JPH1: variants seen among roughly 807,000 people sequenced by gnomAD.
The protein encoded by JPH1 is junctophilin-1.
A neutral mutation model predicts 53.6 loss-of-function variants in JPH1; 12 were observed. The observed-to-expected ratio is 0.22, with a 90% confidence interval of 0.14 to 0.36. The LOEUF is 0.36. Among genes scored for constraint, JPH1 ranks in the 10% least tolerant of loss-of-function variants. The probability of loss-of-function intolerance (pLI) is 1.00; values close to 1 mark genes in which losing one functional copy is unlikely to be tolerated. For synonymous variants in JPH1, 375 were observed against 363.8 expected (o/e 1.03, Z -0.35); for missense variants, 808 against 905.5 (o/e 0.89, Z 1.38).
intron 3 of JPH1, among the ~76,000 whole-genome samples, chr8:74,257,701 C>T (rs976283395): frequency 6.6e-6 from 1 of 151,926 alleles, no homozygotes; most frequent in Non-Finnish European, 1.5e-5. Context: ...TACCAGAGGT[C>T]GCTGCAAAAA....
At chr8:74,237,174 T>C (rs1008469967) in intron 5 of JPH1, 34 bp downstream of exon 5, 2 of 1,333,766 alleles carry the variant, frequency 1.5e-6, no homozygotes, top group Non-Finnish European at 2.1e-6. Flanking sequence ...TGTTATTTAC[T>C]ATGATTTTAG....
At chr8:74,245,558 T>G (rs1805837484) in intron 3 of JPH1, among the ~76,000 whole-genome samples, 1 of 152,192 alleles carries the variant, frequency 6.6e-6, no homozygotes, top group Non-Finnish European at 1.5e-5. Flanking sequence ...ATCTGAAAAT[T>G]TAATAAAGTA....
At chr8:74,290,062 G>A (rs1234526965) in intron 2 of JPH1, among the ~76,000 whole-genome samples, 1 of 152,148 alleles carries the variant, frequency 6.6e-6, no homozygotes, top group Non-Finnish European at 1.5e-5. Flanking sequence ...GGCAAAAACT[G>A]GAAGCATTCC....
At chr8:74,308,028 C>T (rs1348281528) in intron 2 of JPH1, among the ~76,000 whole-genome samples, 1 of 152,110 alleles carries the variant, frequency 6.6e-6, no homozygotes, top group South Asian at 2.1e-4. Flanking sequence ...CTGTTCTATC[C>T]CAGCCAACTT....
In JPH1 at chr8:74,321,312, C is replaced by T; in HGVS notation, c.-25G>A. On this transcript the variant is annotated 5_prime_UTR_variant, in exon 1 of 6. Coordinates refer to ENST00000342232, the MANE Select transcript of JPH1 (RefSeq NM_020647.4). This position sits in a 1 kb window ranked among gnomAD's most constrained non-coding sequence, Gnocchi z 4.3. ...TTCGGGGGGCAGCCCCGGCGCGCTC[C>T]CCGCAGGGGCACGGACGCGGGCAGT... 1 of 1,513,766 alleles carries T rather than the reference C, an allele frequency of 6.6e-7. No individual in the cohort carries two copies. Among genetic ancestry groups the T allele is most frequent in the Non-Finnish European group, 8.8e-7 (1 of 1,130,854 alleles). 93.8% of individuals were successfully genotyped at this position (1,513,766 alleles called of 1,614,324 possible). A position where few individuals can be genotyped will look rare whatever the true frequency, so the allele number is the denominator to read the frequency against.
At chr8:74,272,883 C>T (rs901661220) in intron 2 of JPH1, among the ~76,000 whole-genome samples, 2 of 152,046 alleles carry the variant, frequency 1.3e-5, no homozygotes. Context: ...GGATTACAGG[C>T]GTGAGCCACC....
chr8:74,280,932 A>C (rs1806997354), intron 2 of JPH1, among the ~76,000 whole-genome samples: 1 of 152,218 alleles, frequency 6.6e-6, no homozygotes, highest in Non-Finnish European at 1.5e-5. Context: ...TAATTTATGT[A>C]TAAGGAAATA....
chr8:74,293,361 C>T (rs1443472336), intron 2 of JPH1, among the ~76,000 whole-genome samples: 1 of 152,116 alleles, frequency 6.6e-6, no homozygotes, highest in Non-Finnish European at 1.5e-5. Context: ...AGTTTACTAG[C>T]GTTGGGCACC....
rs189580061 is a variant in JPH1, at chr8:74,237,093, T to G, written c.*16-58A>C. The G allele has an allele frequency of 5.9e-6, 4 of 674,082 alleles. No homozygotes were observed. The East Asian group carries it at 8.1e-5, about 14-fold the overall frequency. The allele number at this position is 674,082 out of a possible 1,614,324, so 41.8% of individuals were successfully genotyped here. ...AACTATGTTGAATCACATTCAGGCA[T>G]AGCCAAAATTAAAGTGAAGGACAAT... On this transcript the variant is annotated intron_variant, in intron 5 of 5. Coordinates refer to ENST00000342232, the MANE Select transcript of JPH1 (RefSeq NM_020647.4).
rs770764760 is a variant in JPH1, at chr8:74,320,865, G to A, written c.379+44C>T. Reference sequence around the variant, plus strand: ...CCCCGCAGCCGGGGCAGAGCCCACCGCACCAGCTCGCGGAGCAGCCGAGCC... The same window carrying A: ...CCCCGCAGCCGGGGCAGAGCCCACCACACCAGCTCGCGGAGCAGCCGAGCC... On this transcript the variant is annotated intron_variant, in intron 1 of 5. Coordinates refer to ENST00000342232, the MANE Select transcript of JPH1 (RefSeq NM_020647.4). This position sits in a 1 kb window ranked among gnomAD's most constrained non-coding sequence, Gnocchi z 4.4. 1.4e-6 allele frequency: 2 copies of A among 1,470,804 alleles called. No homozygotes were observed. The highest frequency in any genetic ancestry group is 1.8e-6 in the Non-Finnish European group (2 of 1,113,482). 91.1% of individuals were successfully genotyped at this position (1,470,804 alleles called of 1,614,324 possible).
In JPH1 at chr8:74,257,634, T is replaced by C. The variant is rs79374995; in HGVS notation, c.1258+1751A>G. 1.5e-4 allele frequency among the ~76,000 whole-genome samples: 23 copies of C among 152,286 alleles called. No homozygotes were observed. The East Asian group carries it at 4.4e-3, about 29-fold the overall frequency. On this transcript the variant is annotated intron_variant, in intron 3 of 5. Coordinates refer to ENST00000342232, the MANE Select transcript of JPH1 (RefSeq NM_020647.4). ...CGCCCTGGAACAGCTAATTTGCCAA[T>C]ATACGTAGGTACCAGGGAAGTATGA...
chr8:74,271,269 C>T (rs1012578643), intron 2 of JPH1, among the ~76,000 whole-genome samples: 1 of 152,046 alleles, frequency 6.6e-6, no homozygotes, highest in Admixed American at 6.5e-5. Flanking sequence ...CCACCCTCCC[C>T]CTTGTTGCAA....
chr8:74,240,505 T>C (rs1029739651), intron 4 of JPH1, among the ~76,000 whole-genome samples: 4 of 152,152 alleles, frequency 2.6e-5, no homozygotes, highest in African/African-American at 9.7e-5. Context: ...AATGAGAACA[T>C]GCAAAGTTTG....
intron 2 of JPH1, among the ~76,000 whole-genome samples, chr8:74,306,253 A>C (rs534515147): frequency 1.3e-5 from 2 of 152,152 alleles, no homozygotes; most frequent in Non-Finnish European, 2.9e-5. Context: ...GGCAGGACAG[A>C]GCTGGCACCT....
intron 2 of JPH1, among the ~76,000 whole-genome samples, chr8:74,287,636 T>C (rs58532958): frequency 0.012 from 1,882 of 152,074 alleles, 38 homozygotes; most frequent in African/African-American, 0.043. Context: ...ATTGCATTAG[T>C]TTGCACATAC....
intron 2 of JPH1, among the ~76,000 whole-genome samples, chr8:74,290,662 C>T (rs7817919): frequency 1.3e-5 from 2 of 152,270 alleles, no homozygotes; most frequent in Middle Eastern, 3.4e-3. Flanking sequence ...AAAAAGACCC[C>T]ACATTGCCAA....
chr8:74,279,639 G>A (rs766345330), intron 2 of JPH1, among the ~76,000 whole-genome samples: 1 of 152,156 alleles, frequency 6.6e-6, no homozygotes, highest in Non-Finnish European at 1.5e-5. Flanking sequence ...GTAAAATTAA[G>A]GGGTGAGAAA....
chr8:74,299,093 T>TGA (rs1162389245), intron 2 of JPH1, among the ~76,000 whole-genome samples: 1 of 152,190 alleles, frequency 6.6e-6, no homozygotes, highest in African/African-American at 2.4e-5. Flanking sequence ...CATCATTAGA[T>TGA]GGGGTCTTCT....
intron 2 of JPH1, among the ~76,000 whole-genome samples, chr8:74,275,798 A>C (rs13262437): frequency 6.6e-6 from 1 of 152,170 alleles, no homozygotes; most frequent in African/African-American, 2.4e-5. Context: ...CAGAACAAGG[A>C]TATGAGGCAG....
Sources: gnomAD v4.1 joint callset for allele counts (sites outside exome capture counted in the v4.1 genomes callset) on GRCh38, gnomAD v4.1.1 for gene constraint, Gnocchi (gnomAD v3.1) non-coding constraint, MANE v1.5 for transcripts, NCBI Gene and HGNC (gene_info 2026-07-23, HGNC 2026-07-21) for gene names.